The following TRPV3 variants were observed in gnomAD, a reference collection of about 807,000 sequenced individuals.
The protein encoded by TRPV3 is VRL-3.
In TRPV3, 88 loss-of-function variants were observed where a neutral mutation model predicts 87.1. That is an observed-to-expected ratio of 1.01 (90% CI 0.85 to 1.21). The LOEUF (loss-of-function observed/expected upper bound fraction) is 1.21. TRPV3 is among the 50% of genes most tolerant of loss of function. The probability of loss-of-function intolerance (pLI) is 0.00; values close to 1 mark genes in which losing one functional copy is unlikely to be tolerated. For missense variants in TRPV3, 1,054 were observed against 1,030.1 expected (o/e 1.02, Z -0.32); for synonymous variants, 438 against 423.3 (o/e 1.03, Z -0.43).
rs1355359330 is a variant in TRPV3, at chr17:3,513,907, G to C, written c.*10C>G. 1 of 1,612,586 alleles carries C rather than the reference G, an allele frequency of 6.2e-7. No individual in the cohort carries two copies. Among genetic ancestry groups the C allele is most frequent in the Admixed American group, 1.7e-5 (1 of 59,970 alleles). ...ACAGCGCACGCGCACACCAGCTCTG[G>C]GTTCCGCTTCTACACCGAGGTTTCC... On this transcript the variant is annotated 3_prime_UTR_variant, in exon 18 of 18. Coordinates refer to ENST00000576742, the MANE Select transcript of TRPV3 (RefSeq NM_145068.4).
chr17:3,524,515 T>G, intron 12 of TRPV3, 152 bp from the exon 13 acceptor site: 2 of 960,202 alleles, frequency 2.1e-6, no homozygotes, highest in African/African-American at 1.7e-5. Flanking sequence ...TCAGATCCAT[T>G]TGGCTACCAT....
intron 2 of TRPV3, among the ~76,000 whole-genome samples, chr17:3,549,701 T>TGATGGATGGATGGATG (rs144321631): frequency 9.5e-5 from 14 of 147,976 alleles, no homozygotes; most frequent in South Asian, 2.2e-4. Flanking sequence ...AGTGGATGGA[T>TGATGGATGGATGGATG]GATGGATGGA....
At chr17:3,523,701 G>C (rs534532020) in intron 13 of TRPV3, among the ~76,000 whole-genome samples, 1 of 140,242 alleles carries the variant, frequency 7.1e-6, no homozygotes, top group Non-Finnish European at 1.5e-5. Flanking sequence ...CTGGGCAGCA[G>C]AGCAAGACTT....
At chr17:3,521,641 C>A (rs144235788) in intron 13 of TRPV3, among the ~76,000 whole-genome samples, 406 of 152,178 alleles carry the variant, frequency 2.7e-3, no homozygotes, top group African/African-American at 9.5e-3. Flanking sequence ...TATATCAAAT[C>A]CTCACATTGT....
chr17:3,554,659 C>CT (rs1431870670), intron 2 of TRPV3, 73 bp downstream of exon 2: 2 of 1,050,446 alleles, frequency 1.9e-6, no homozygotes, highest in South Asian at 1.5e-5. Context: ...CAAGGGCTCC[C>CT]TGGGGGGGTG....
Position 3,544,133 on chromosome 17 carries a change from T to C in TRPV3, c.311+446A>G, listed in dbSNP as rs2873622. ...AAGCAATTCTCCTGCCTCAGCCTCCTCAGTAGCTGGGATTACAGGCATGCG... is the reference window on the plus strand; with the variant it reads ...AAGCAATTCTCCTGCCTCAGCCTCCCCAGTAGCTGGGATTACAGGCATGCG... On this transcript the variant is annotated intron_variant, in intron 4 of 17. Coordinates refer to ENST00000576742, the MANE Select transcript of TRPV3 (RefSeq NM_145068.4). Among the ~76,000 whole-genome samples, 3 of 46,424 alleles carry C rather than the reference T, an allele frequency of 6.5e-5. No individual in the cohort carries two copies. In the South Asian group the frequency reaches 2.9e-3, roughly 45 times the overall value. 30.5% of individuals were successfully genotyped at this position (46,424 alleles called of 152,430 possible). A position where few individuals can be genotyped will look rare whatever the true frequency, so the allele number is the denominator to read the frequency against.
In TRPV3 at chr17:3,514,002, T is replaced by C; in HGVS notation, c.2288A>G (p.Lys763Arg). Residue 763 changes from lysine to arginine, a missense_variant, in exon 18 of 18, where the codon AAA (lysine) becomes AGA (arginine). Physicochemically the swap from Lys to Arg is conservative, Grantham distance 26. Coordinates refer to ENST00000576742, the MANE Select transcript of TRPV3 (RefSeq NM_145068.4). Reference protein sequence around the residue: ...PGPVRRTDFNKIQDSSRNNSK... With the variant: ...PGPVRRTDFNRIQDSSRNNSK... The stretch of plus-strand genomic sequence containing the variant: ...GTTGTTCCTGGAAGAATCTTGGATT[T>C]TGTTGAAATCTGCTTTTTAAAAAAA... The C allele has an allele frequency of 5.6e-6, 9 of 1,613,422 alleles. No individual in the cohort carries two copies. Among genetic ancestry groups the C allele is most frequent in the Non-Finnish European group, 7.6e-6 (9 of 1,179,570 alleles).
At chr17:3,515,952 C>T (rs1270000080) in intron 16 of TRPV3, among the ~76,000 whole-genome samples, 1 of 152,202 alleles carries the variant, frequency 6.6e-6, no homozygotes, top group African/African-American at 2.4e-5. Context: ...TTTGGGAGGC[C>T]AAGGTGGGTG....
chr17:3,518,633 C>G lies in TRPV3; in HGVS notation c.2028G>C (p.Leu676=). ...FVLLLNMLIA[L]MGETVENVSK... The stretch of plus-strand genomic sequence containing the variant: ...AGACGTTCTCCACAGTCTCGCCCAT[C>G]AGAGCAATGAGCATGTTGAGGAGGA... The change falls in exon 15 of 18, where the codon CTG becomes CTC. Residue 676 remains leucine, a synonymous_variant. Transcript: ENST00000576742. This position sits in a 1 kb window ranked among gnomAD's most constrained non-coding sequence, Gnocchi z 4.3. The G allele has an allele frequency of 6.3e-7, 1 of 1,586,776 alleles. No homozygotes were observed. The highest frequency in any genetic ancestry group is 8.6e-7 in the Non-Finnish European group (1 of 1,165,778).
Position 3,513,910 on chromosome 17 carries a change from T to G in TRPV3, c.*7A>C. 6.2e-7 allele frequency: 1 copy of G among 1,613,356 alleles called. No individual in the cohort carries two copies. Among genetic ancestry groups the G allele is most frequent in the South Asian group, 1.1e-5 (1 of 91,046 alleles). On this transcript the variant is annotated 3_prime_UTR_variant, in exon 18 of 18. Transcript: ENST00000576742. ...GCGCACGCGCACACCAGCTCTGGGTTCCGCTTCTACACCGAGGTTTCCGGG... is the reference window on the plus strand; with the variant it reads ...GCGCACGCGCACACCAGCTCTGGGTGCCGCTTCTACACCGAGGTTTCCGGG...
intron 6 of TRPV3, among the ~76,000 whole-genome samples, chr17:3,536,940 A>C (rs2074414068): frequency 6.6e-6 from 1 of 152,212 alleles, no homozygotes; most frequent in African/African-American, 2.4e-5. Flanking sequence ...GCTGTGTCAT[A>C]AACAAACATA....
At position 3,514,710 on chromosome 17, in the gene TRPV3, G is replaced by A. The variant is rs756770038; in HGVS notation, c.2199-38C>T. The stretch of plus-strand genomic sequence containing the variant: ...TAATCATTCTTACTATTTCACCAGT[G>A]CCTCACTGAGTACTAACAAATAGCC... On this transcript the variant is annotated intron_variant, in intron 16 of 17. Coordinates refer to ENST00000576742, the MANE Select transcript of TRPV3 (RefSeq NM_145068.4). The A allele has an allele frequency of 6.7e-6, 10 of 1,488,550 alleles. No homozygotes were observed. In the Admixed American group the frequency reaches 1.0e-4, roughly 15 times the overall value. 92.2% of individuals were successfully genotyped at this position (1,488,550 alleles called of 1,614,324 possible). A position where few individuals can be genotyped will look rare whatever the true frequency, so the allele number is the denominator to read the frequency against.
At chr17:3,515,126 G>A (rs188863492) in intron 16 of TRPV3, among the ~76,000 whole-genome samples, 43 of 152,296 alleles carry the variant, frequency 2.8e-4, no homozygotes, top group African/African-American at 9.9e-4. Flanking sequence ...TGGCGTCTGA[G>A]GTGTTAGAAT....
rs941331488 is a variant in TRPV3, at chr17:3,520,392, G to T, written c.1810+581C>A. Among the ~76,000 whole-genome samples, 24 of 152,182 alleles carry T rather than the reference G, an allele frequency of 1.6e-4. 1 individual carries two copies. The highest frequency in any genetic ancestry group is 5.6e-4 in the African/African-American group (23 of 41,440). ...GAAATCCAAAGGAAATCACCTCAGG[G>T]TATTAGTTTGCTCCTACTTTGCAAA... On this transcript the variant is annotated intron_variant, in intron 14 of 17. Transcript: ENST00000576742.
Position 3,518,671 on chromosome 17 carries a change from G to A in TRPV3, c.1990C>T (p.Leu664Phe). ...FLFLLITYVI[L>F]TFVLLLNMLI... ...ATGTTGAGGAGGAGAACAAAGGTGA[G>A]GATGACATAGGTGATGAGCAGGAAC... The change falls in exon 15 of 18, where the codon CTC becomes TTC. Residue 664 changes from leucine to phenylalanine, a missense_variant. By Grantham distance (22) the Leu-to-Phe change is conservative. Transcript: ENST00000576742. The surrounding 1 kb of genome is among the most constrained non-coding windows in gnomAD (Gnocchi z 4.3). The A allele has an allele frequency of 6.2e-7, 1 of 1,606,314 alleles. No homozygotes were observed. Among genetic ancestry groups the A allele is most frequent in the Non-Finnish European group, 8.5e-7 (1 of 1,176,474 alleles).
At chr17:3,531,300 A>G (rs2074347371) in intron 8 of TRPV3, among the ~76,000 whole-genome samples, 1 of 152,162 alleles carries the variant, frequency 6.6e-6, no homozygotes, top group South Asian at 2.1e-4. Context: ...ACCCAAGAGG[A>G]AGGGACTGTT....
At position 3,556,465 on chromosome 17, in the gene TRPV3, C is replaced by G. The variant is rs1036333737; in HGVS notation, c.-3+1211G>C. 3.3e-5 allele frequency among the ~76,000 whole-genome samples: 5 copies of G among 152,014 alleles called. No homozygotes were observed. Among genetic ancestry groups the G allele is most frequent in the Admixed American group, 6.5e-5 (1 of 15,268 alleles). Reference sequence around the variant, plus strand: ...TGTGGTCAGGGGGTGCCACTCTCAGCTTGAATCATCCTCAGGGGACTCACC... The same window carrying G: ...TGTGGTCAGGGGGTGCCACTCTCAGGTTGAATCATCCTCAGGGGACTCACC... On this transcript the variant is annotated intron_variant, in intron 1 of 17. Transcript: ENST00000576742. The surrounding 1 kb of genome is among the most constrained non-coding windows in gnomAD (Gnocchi z 4.2).
At chr17:3,540,115 A>G (rs2074445230) in intron 6 of TRPV3, among the ~76,000 whole-genome samples, 1 of 152,144 alleles carries the variant, frequency 6.6e-6, no homozygotes, top group Admixed American at 6.6e-5. Flanking sequence ...TGCTCTAAAT[A>G]AGGTTATTTT....
chr17:3,523,751 G>A (rs1481255064), intron 13 of TRPV3, among the ~76,000 whole-genome samples: 1 of 149,908 alleles, frequency 6.7e-6, no homozygotes, highest in Admixed American at 6.7e-5. Context: ...AAATTATTCT[G>A]AGACTCAACT....
Sources: gnomAD v4.1 joint callset for allele counts (sites outside exome capture counted in the v4.1 genomes callset) on GRCh38, gnomAD v4.1.1 for gene constraint, Gnocchi (gnomAD v3.1) non-coding constraint, MANE v1.5 for transcripts, NCBI Gene and HGNC (gene_info 2026-07-23, HGNC 2026-07-21) for gene names.